The following TBC1D8 variants were observed in gnomAD, a reference collection of about 807,000 sequenced individuals.
The protein encoded by TBC1D8 is TBC1 domain family member 8, also known as BUB2-like protein 1.
A neutral mutation model predicts 118.8 loss-of-function variants in TBC1D8; 65 were observed. The observed-to-expected ratio is 0.55, with a 90% CI of 0.45 to 0.67. The LOEUF (loss-of-function observed/expected upper bound fraction) is 0.67, where lower values mean the gene tolerates loss of function less well. Ranked by LOEUF, TBC1D8 falls within the 30% of genes least tolerant of loss-of-function variation. The probability of loss-of-function intolerance (pLI) is 0.00; values close to 1 mark genes in which losing one functional copy is unlikely to be tolerated. For missense variants in TBC1D8, 1,376 were observed against 1,471.2 expected (o/e 0.94, Z 1.06); for synonymous variants, 566 against 595.8 (o/e 0.95, Z 0.73).
At chr2:101,082,492 C>G (rs1279493472) in intron 2 of TBC1D8, among the ~76,000 whole-genome samples, 3 of 152,198 alleles carry the variant, frequency 2.0e-5, no homozygotes, top group African/African-American at 7.2e-5. Context: ...TTTTGCTCTC[C>G]TGGTTCCACA....
rs1272866522 is a variant in TBC1D8, at chr2:101,038,454, A to G, written c.1275+7T>C. ...AAGGGGATCATCAGGGTCTGGAGGG[A>G]CCATACCATGTCATCATCCGCAGAG... On this transcript the variant is annotated splice_region_variant and intron_variant, in intron 7 of 19. Transcript: ENST00000409318. 2.5e-6 allele frequency: 4 copies of G among 1,612,904 alleles called. No individual in the cohort carries two copies. Among genetic ancestry groups the G allele is most frequent in the Non-Finnish European group, 3.4e-6 (4 of 1,179,450 alleles).
chr2:101,051,404 T>C (rs1488360390), intron 4 of TBC1D8, among the ~76,000 whole-genome samples: 2 of 152,162 alleles, frequency 1.3e-5, no homozygotes, highest in Non-Finnish European at 2.9e-5. Flanking sequence ...GGCAAAGATT[T>C]TATGATGAAG....
chr2:101,130,481 G>T (rs79408322), intron 1 of TBC1D8, among the ~76,000 whole-genome samples: 6,650 of 152,326 alleles, frequency 0.044, 206 homozygotes, highest in Non-Finnish European at 0.069. Context: ...CACAGAGCTT[G>T]CAGATGACAC....
chr2:101,130,752 G>A (rs1480944835), intron 1 of TBC1D8, among the ~76,000 whole-genome samples: 2 of 152,216 alleles, frequency 1.3e-5, no homozygotes, highest in African/African-American at 4.8e-5. Flanking sequence ...ATAGGATCTA[G>A]TTTTGTTCAC....
intron 2 of TBC1D8, among the ~76,000 whole-genome samples, chr2:101,070,465 T>C (rs965904806): frequency 1.3e-5 from 2 of 150,332 alleles, no homozygotes; most frequent in African/African-American, 4.9e-5. Flanking sequence ...CAGGCTGGAG[T>C]GCAGTGGCAC....
chr2:101,038,687 G>A, intron 6 of TBC1D8, 32 bp from the exon 7 acceptor site: 1 of 1,610,014 alleles, frequency 6.2e-7, no homozygotes, highest in Non-Finnish European at 8.5e-7. Flanking sequence ...GGGACAGAAG[G>A]GCGGGAGGAA....
chr2:101,102,135 T>C (rs1217484305), intron 1 of TBC1D8, among the ~76,000 whole-genome samples: 1 of 152,030 alleles, frequency 6.6e-6, no homozygotes, highest in Non-Finnish European at 1.5e-5. Context: ...ACAAACATAG[T>C]AGATATTAAT....
rs753031086 is a variant in TBC1D8 at position 101,040,276 on chromosome 2, G to A, written c.982C>T (p.Arg328Cys). Reference protein sequence around the residue: ...VDCSLWTPFSRCHTTGRMFAS... With the variant: ...VDCSLWTPFSCCHTTGRMFAS... ...AACATCCGCCCCGTGGTGTGACAGC[G>A]ACTGAACGGCGTCCAGAGCGAACAG... The change falls in exon 6 of 20, where the codon CGC becomes TGC. Residue 328 changes from arginine (R) to cysteine (C), a missense_variant. Arg to Cys is a radical substitution (Grantham distance 180, BLOSUM62 -3). Transcript: ENST00000409318. 15 of 1,613,998 alleles carry A rather than the reference G, an allele frequency of 9.3e-6. No individual in the cohort carries two copies. The highest frequency in any genetic ancestry group is 1.2e-5 in the Non-Finnish European group (14 of 1,179,902).
intron 2 of TBC1D8, among the ~76,000 whole-genome samples, chr2:101,072,790 G>A (rs1169993719): frequency 6.6e-6 from 1 of 152,068 alleles, no homozygotes; most frequent in Non-Finnish European, 1.5e-5. Flanking sequence ...TTCCTAACAG[G>A]CCACAAATTG....
At chr2:101,090,124 G>A (rs1189233138) in intron 2 of TBC1D8, 85 bp downstream of exon 2, 1 of 1,449,594 alleles carries the variant, frequency 6.9e-7, no homozygotes, top group Non-Finnish European at 9.3e-7. Flanking sequence ...ATCCAAAGGG[G>A]TTACCTTCAA....
At chr2:101,113,524 C>CA (rs956259898) in intron 1 of TBC1D8, among the ~76,000 whole-genome samples, 4 of 152,160 alleles carry the variant, frequency 2.6e-5, no homozygotes, top group African/African-American at 7.2e-5. Context: ...ATGCACAAAT[C>CA]AGTTTCCCAG....
intron 1 of TBC1D8, among the ~76,000 whole-genome samples, chr2:101,115,008 C>G (rs1677755683): frequency 6.6e-6 from 1 of 152,222 alleles, no homozygotes; most frequent in South Asian, 2.1e-4. Context: ...GTGTGTTTCA[C>G]AGAACCTGTC....
At chr2:101,128,740 T>C (rs1042126455) in intron 1 of TBC1D8, among the ~76,000 whole-genome samples, 6 of 152,214 alleles carry the variant, frequency 3.9e-5, no homozygotes, top group East Asian at 1.9e-4. Context: ...GGCATATACA[T>C]ACAATAGAAT....
chr2:101,144,747 G>A (rs1679252536), intron 1 of TBC1D8, among the ~76,000 whole-genome samples: 1 of 152,112 alleles, frequency 6.6e-6, no homozygotes, highest in South Asian at 2.1e-4. Flanking sequence ...GACAAGCCTG[G>A]GCAACAATGG....
chr2:101,007,634 C>T lies in TBC1D8; in HGVS notation c.*187G>A. On this transcript the variant is annotated 3_prime_UTR_variant, in exon 20 of 20. Coordinates refer to ENST00000409318, the MANE Select transcript of TBC1D8 (RefSeq NM_001330348.2). ...ACCAATGGATACCTTAGGGCACTGA[C>T]AATTCTCAATACATAGAAATGCTTG... 1 of 629,908 alleles carries T rather than the reference C, an allele frequency of 1.6e-6. No individual in the cohort carries two copies. The highest frequency in any genetic ancestry group is 2.7e-6 in the Non-Finnish European group (1 of 364,972). 39.0% of individuals were successfully genotyped at this position (629,908 alleles called of 1,614,324 possible). A position where few individuals can be genotyped will look rare whatever the true frequency, so the allele number is the denominator to read the frequency against.
chr2:101,040,522 T>G (rs1200916214), intron 5 of TBC1D8, 137 bp from the exon 6 acceptor site: 2 of 853,052 alleles, frequency 2.3e-6, no homozygotes, highest in South Asian at 1.7e-5. Flanking sequence ...CAGGATGGAG[T>G]GCAGTGGTGC....
chr2:101,095,498 C>A (rs887494850), intron 1 of TBC1D8, among the ~76,000 whole-genome samples: 1 of 146,190 alleles, frequency 6.8e-6, no homozygotes, highest in Non-Finnish European at 1.5e-5. Context: ...TGAAAACATG[C>A]GGTGTTTGGT....
intron 17 of TBC1D8, 87 bp downstream of exon 17, chr2:101,021,594 A>ACTTTTT: frequency 1.0e-6 from 1 of 962,540 alleles, no homozygotes; most frequent in Admixed American, 2.5e-5. Context: ...GTGAACTTTA[A>ACTTTTT]AAAGAGAAGA....
At chr2:101,042,959 C>T (rs1681473418) in intron 5 of TBC1D8, among the ~76,000 whole-genome samples, 1 of 152,188 alleles carries the variant, frequency 6.6e-6, no homozygotes, top group Non-Finnish European at 1.5e-5. Context: ...GGACACACGC[C>T]TTTTCTGCAG....
Sources: gnomAD v4.1 joint callset for allele counts (sites outside exome capture counted in the v4.1 genomes callset) on GRCh38, gnomAD v4.1.1 for gene constraint, MANE v1.5 for transcripts, NCBI Gene and HGNC (gene_info 2026-07-23, HGNC 2026-07-21) for gene names.